NCOA2: variants seen among roughly 807,000 people sequenced by gnomAD.
NCOA2 encodes nuclear receptor coactivator 2.
A neutral mutation model predicts 145.1 loss-of-function variants in NCOA2; 21 were observed. The ratio of observed to expected loss-of-function variants is 0.14; its 90% confidence interval spans 0.10 to 0.21. The LOEUF (loss-of-function observed/expected upper bound fraction) is 0.21, where lower values mean the gene tolerates loss of function less well. NCOA2 is among the 10% of genes least tolerant of loss of function. The pLI is 1.00. For synonymous variants in NCOA2, 619 were observed against 637.5 expected (o/e 0.97, Z 0.44); for missense variants, 1,472 against 1,837.6 (o/e 0.80, Z 3.64).
chr8:70,270,163 C>T (rs113394067), intron 2 of NCOA2, among the ~76,000 whole-genome samples: 2,136 of 148,788 alleles, frequency 0.014, 23 homozygotes, highest in Non-Finnish European at 0.022. Flanking sequence ...GCCTGGGTGA[C>T]ACAGTGAGAC....
upstream of NCOA2, among the ~76,000 whole-genome samples, chr8:70,404,124 C>G (rs192824880): frequency 3.3e-5 from 5 of 152,340 alleles, no homozygotes; most frequent in African/African-American, 1.2e-4. Flanking sequence ...GCAGAGTCCT[C>G]TGAGAAGGCG....
intron 2 of NCOA2, among the ~76,000 whole-genome samples, chr8:70,287,158 CA>C (rs1217731775): frequency 1.3e-5 from 2 of 152,112 alleles, no homozygotes; most frequent in African/African-American, 4.8e-5. Context: ...GCAGGAGGAT[CA>C]ATCTAGCTCG....
intron 2 of NCOA2, among the ~76,000 whole-genome samples, chr8:70,241,469 G>C (rs1822122931): frequency 6.6e-6 from 1 of 152,068 alleles, no homozygotes; most frequent in East Asian, 1.9e-4. Context: ...TTTAAATAAT[G>C]TCTTACTCTT....
rs1378081523 is a variant in NCOA2, at chr8:70,156,816, C to T, written c.1549G>A (p.Val517Met). 10 of 1,614,014 alleles carry T rather than the reference C, an allele frequency of 6.2e-6. No homozygotes were observed. Among genetic ancestry groups the T allele is most frequent in the Non-Finnish European group, 7.6e-6 (9 of 1,179,880 alleles). ...FSPAGSLHSP[V>M]GVCSSTGNSH... Reference sequence around the variant, plus strand: ...TTTCCTGTGCTGCTGCAAACTCCCACAGGGGAATGCAAGCTTCCTGCAGGG... The same window carrying T: ...TTTCCTGTGCTGCTGCAAACTCCCATAGGGGAATGCAAGCTTCCTGCAGGG... Residue 517 changes from valine to methionine, a missense_variant, in exon 11 of 23, where the codon GTG becomes ATG. Val to Met is a conservative substitution (Grantham distance 21, BLOSUM62 1). Transcript: ENST00000452400.
intron 14 of NCOA2, among the ~76,000 whole-genome samples, chr8:70,138,755 A>G (rs1204581052): frequency 6.6e-6 from 1 of 152,268 alleles, no homozygotes. Flanking sequence ...TGATTGCAAA[A>G]TTAAAAAATT....
At chr8:70,424,169 TG>T in the NCOA2 span, 1 of 241,246 alleles carries the variant, frequency 4.1e-6, no homozygotes, top group Non-Finnish European at 8.2e-6. Context: ...CAGTGGCCAG[TG>T]GTCTTAATGT....
intron 6 of NCOA2, among the ~76,000 whole-genome samples, chr8:70,167,700 A>G (rs997302889): frequency 3.3e-5 from 5 of 152,250 alleles, no homozygotes; most frequent in African/African-American, 1.2e-4. Context: ...ACTACTTCAG[A>G]CATCTATTTG....
rs140530155 is a variant in NCOA2, at chr8:70,237,894, T to C, written c.-19-21130A>G. On this transcript the variant is annotated intron_variant, in intron 2 of 22. Transcript: ENST00000452400. ...TTAGGTTGAAAAAAAAAATTAACTG[T>C]GTGACGTTCTAAGTAAGGGAAACCA... Among the ~76,000 whole-genome samples the C allele has an allele frequency of 1.5e-3, 227 of 151,874 alleles. 1 individual carries two copies. The highest frequency in any genetic ancestry group is 2.7e-3 in the Non-Finnish European group (182 of 67,916).
At chr8:70,184,986 A>G (rs1815894994) in intron 4 of NCOA2, among the ~76,000 whole-genome samples, 1 of 152,074 alleles carries the variant, frequency 6.6e-6, no homozygotes, top group African/African-American at 2.4e-5. Flanking sequence ...TCCCCAATGC[A>G]TTTTGTTCCA....
At chr8:70,426,855 C>T in the NCOA2 span, among the ~76,000 whole-genome samples, 1 of 152,186 alleles carries the variant, frequency 6.6e-6, no homozygotes, top group Non-Finnish European at 1.5e-5. Flanking sequence ...TGCAGTGTCA[C>T]TGTCATAGCT....
chr8:70,303,181 T>C (rs1315054579), intron 1 of NCOA2, among the ~76,000 whole-genome samples: 1 of 152,146 alleles, frequency 6.6e-6, no homozygotes, highest in Non-Finnish European at 1.5e-5. Context: ...GACTTGAAAA[T>C]AGCACTTGAA....
chr8:70,153,620 T>C (rs1311061284), intron 11 of NCOA2, among the ~76,000 whole-genome samples: 1 of 152,204 alleles, frequency 6.6e-6, no homozygotes. Context: ...CTCCAGCATG[T>C]GTCAAGAGAC....
intron 11 of NCOA2, among the ~76,000 whole-genome samples, chr8:70,155,058 A>G (rs1283671110): frequency 2.0e-5 from 3 of 152,348 alleles, no homozygotes; most frequent in East Asian, 1.9e-4. Flanking sequence ...TAATTTGTCA[A>G]GTATAAATAA....
chr8:70,162,929 T>TTTG, intron 8 of NCOA2, 75 bp from the exon 9 acceptor site: 1 of 1,425,886 alleles, frequency 7.0e-7, no homozygotes, highest in Non-Finnish European at 9.3e-7. Flanking sequence ...TTTTTTTTTT[T>TTTG]TTTGAGACAG....
chr8:70,394,107 G>T (rs531743804), intron 1 of NCOA2, among the ~76,000 whole-genome samples: 1 of 152,186 alleles, frequency 6.6e-6, no homozygotes, highest in Non-Finnish European at 1.5e-5. Context: ...GTTTCATGAC[G>T]TACTGCCTAT....
the NCOA2 span, among the ~76,000 whole-genome samples, chr8:70,421,669 G>T: frequency 6.6e-6 from 1 of 151,144 alleles, no homozygotes; most frequent in Non-Finnish European, 1.5e-5. Flanking sequence ...TAAATGATTG[G>T]CATGTTTAGG....
chr8:70,111,177 C>G lies in NCOA2; in HGVS notation c.*2455G>C. Reference sequence around the variant, plus strand: ...AATGATCACGAATTATTATAAATTACCAGTATCATGAAGTTGCGGATTTGT... The same window carrying G: ...AATGATCACGAATTATTATAAATTAGCAGTATCATGAAGTTGCGGATTTGT... On this transcript the variant is annotated 3_prime_UTR_variant, in exon 23 of 23. Coordinates refer to ENST00000452400, the MANE Select transcript of NCOA2 (RefSeq NM_006540.4). The G allele has an allele frequency of 4.5e-6, 1 of 222,208 alleles. No individual in the cohort carries two copies. The highest frequency in any genetic ancestry group is 6.6e-5 in the East Asian group (1 of 15,108). 13.8% of individuals were successfully genotyped at this position (222,208 alleles called of 1,614,324 possible).
At chr8:70,362,466 TA>T (rs1356665267) in intron 1 of NCOA2, among the ~76,000 whole-genome samples, 1 of 151,954 alleles carries the variant, frequency 6.6e-6, no homozygotes, top group Non-Finnish European at 1.5e-5. Context: ...AAAACTCAAT[TA>T]AAAAAAGGTT....
chr8:70,225,046 T>G (rs1586166575), intron 2 of NCOA2, among the ~76,000 whole-genome samples: 1 of 152,122 alleles, frequency 6.6e-6, no homozygotes, highest in East Asian at 1.9e-4. Context: ...CAAGAGGACA[T>G]GATCTATTAA....
Sources: allele counts gnomAD v4.1 joint callset (sites outside exome capture counted in the v4.1 genomes callset), GRCh38; gene constraint gnomAD v4.1.1; transcripts MANE v1.5; gene names NCBI Gene and HGNC (gene_info 2026-07-23, HGNC 2026-07-21).